Variants in SGCZ observed in about 807,000 individuals in gnomAD.
The protein encoded by SGCZ is zeta-sarcoglycan.
Under a neutral mutation model 41.3 loss-of-function variants are expected in SGCZ, and 40 were observed. The observed-to-expected ratio is 0.97, with a 90% CI of 0.75 to 1.26. SGCZ has a LOEUF of 1.26. SGCZ is among the 50% of genes most tolerant of loss of function. SGCZ has a pLI of 0.00. For synonymous variants in SGCZ, 206 were observed against 137.5 expected (o/e 1.50, Z -3.49); for missense variants, 552 against 369.8 (o/e 1.49, Z -4.04).
chr8:15,046,775 G>A (rs1032701094), intron 1 of SGCZ, among the ~76,000 whole-genome samples: 2 of 151,982 alleles, frequency 1.3e-5, no homozygotes, highest in Admixed American at 1.3e-4. Flanking sequence ...ATATACAAAT[G>A]TCTGATGCTA....
chr8:14,921,793 T>G (rs1799595618), intron 1 of SGCZ, among the ~76,000 whole-genome samples: 1 of 152,144 alleles, frequency 6.6e-6, no homozygotes, highest in African/African-American at 2.4e-5. Context: ...TCACTCCTTA[T>G]ATAACCCGAC....
At chr8:15,215,422 A>T (rs1285607462) in intron 1 of SGCZ, among the ~76,000 whole-genome samples, 1 of 152,184 alleles carries the variant, frequency 6.6e-6, no homozygotes, top group African/African-American at 2.4e-5. Flanking sequence ...ATATTTTTAC[A>T]GGCACTGTTT....
At chr8:15,217,878 AG>A (rs1179856252) in intron 1 of SGCZ, among the ~76,000 whole-genome samples, 2 of 152,124 alleles carry the variant, frequency 1.3e-5, no homozygotes, top group African/African-American at 4.8e-5. Context: ...ACTTGAGGTG[AG>A]GAGTTAGAGA....
At chr8:14,596,111 CACTT>C (rs1256062853) in intron 1 of SGCZ, among the ~76,000 whole-genome samples, 28 of 152,306 alleles carry the variant, frequency 1.8e-4, no homozygotes, top group African/African-American at 6.3e-4. Flanking sequence ...GTCTTTATCT[CACTT>C]AGTATCTGTC....
intron 2 of SGCZ, among the ~76,000 whole-genome samples, chr8:14,542,621 T>C (rs1214960845): frequency 1.3e-5 from 2 of 152,066 alleles, no homozygotes; most frequent in South Asian, 2.1e-4. Context: ...AGGAAATAGA[T>C]TGTGGACTCT....
intron 5 of SGCZ, among the ~76,000 whole-genome samples, chr8:14,141,671 T>C (rs907605241): frequency 1.3e-5 from 2 of 152,180 alleles, no homozygotes; most frequent in African/African-American, 2.4e-5. Flanking sequence ...AAACAACAGA[T>C]GCTGGAGAGG....
At chr8:14,483,606 C>T (rs189672699) in intron 2 of SGCZ, among the ~76,000 whole-genome samples, 1 of 152,236 alleles carries the variant, frequency 6.6e-6, no homozygotes, top group Admixed American at 6.5e-5. Context: ...TTGATTTCAA[C>T]ACTAATTTAT....
At chr8:14,410,268 C>A (rs1799323355) in intron 2 of SGCZ, among the ~76,000 whole-genome samples, 1 of 152,058 alleles carries the variant, frequency 6.6e-6, no homozygotes. Flanking sequence ...CAAAACCCAT[C>A]CCTGATGCCA....
At chr8:14,964,624 C>A (rs986762939) in intron 1 of SGCZ, among the ~76,000 whole-genome samples, 10 of 152,140 alleles carry the variant, frequency 6.6e-5, no homozygotes, top group African/African-American at 2.4e-4. Context: ...AATGGGATAA[C>A]CCTGAAAAGT....
intron 1 of SGCZ, among the ~76,000 whole-genome samples, chr8:14,676,117 G>A (rs532708287): frequency 4.6e-5 from 7 of 152,302 alleles, no homozygotes; most frequent in African/African-American, 1.7e-4. Flanking sequence ...AATAGTTTGT[G>A]TTCCTACCAG....
chr8:14,635,440 A>G (rs548065947), intron 1 of SGCZ, among the ~76,000 whole-genome samples: 2 of 152,116 alleles, frequency 1.3e-5, no homozygotes, highest in South Asian at 4.1e-4. Flanking sequence ...ATTTGTGTAT[A>G]AAGCCAAGTG....
intron 2 of SGCZ, among the ~76,000 whole-genome samples, chr8:14,534,964 T>C (rs971857416): frequency 1.3e-5 from 2 of 152,014 alleles, no homozygotes; most frequent in African/African-American, 4.8e-5. Context: ...AATGCAAGAA[T>C]GACGTATCTC....
intron 1 of SGCZ, among the ~76,000 whole-genome samples, chr8:15,141,442 A>G (rs1371554712): frequency 6.6e-6 from 1 of 152,244 alleles, no homozygotes; most frequent in Non-Finnish European, 1.5e-5. Context: ...TTTATGTTTT[A>G]AAAAGATGTC....
intron 1 of SGCZ, among the ~76,000 whole-genome samples, chr8:15,014,417 G>C (rs7004077): frequency 0.086 from 13,108 of 152,186 alleles, 731 homozygotes; most frequent in African/African-American, 0.16. Context: ...TTCATTTTGC[G>C]TGTGTCTTTG....
chr8:14,656,139 G>GT (rs1218187969), intron 1 of SGCZ, among the ~76,000 whole-genome samples: 1 of 152,004 alleles, frequency 6.6e-6, no homozygotes, highest in Non-Finnish European at 1.5e-5. Context: ...AATTTTTTAA[G>GT]TAAGTATCAA....
At chr8:14,221,537 G>T (rs1039915909) in intron 4 of SGCZ, among the ~76,000 whole-genome samples, 1 of 152,176 alleles carries the variant, frequency 6.6e-6, no homozygotes, top group Non-Finnish European at 1.5e-5. Context: ...ACATATTGCA[G>T]TTTCGACATA....
At chr8:14,408,502 T>C (rs1379261486) in intron 2 of SGCZ, among the ~76,000 whole-genome samples, 1 of 152,084 alleles carries the variant, frequency 6.6e-6, no homozygotes, top group Non-Finnish European at 1.5e-5. Context: ...CCACCGTCTC[T>C]CCCCTGAACT....
At chr8:15,179,258 G>C (rs995377174) in intron 1 of SGCZ, among the ~76,000 whole-genome samples, 1 of 152,116 alleles carries the variant, frequency 6.6e-6, no homozygotes, top group Non-Finnish European at 1.5e-5. Flanking sequence ...TTCAGATAGA[G>C]GGAATGAGGA....
At chr8:14,389,597 G>A (rs148942789) in intron 2 of SGCZ, among the ~76,000 whole-genome samples, 17 of 151,832 alleles carry the variant, frequency 1.1e-4, no homozygotes, top group Admixed American at 7.9e-4. Flanking sequence ...AATAAAGATC[G>A]TCTTAGACAA....
Sources: gnomAD v4.1 joint callset for allele counts (sites outside exome capture counted in the v4.1 genomes callset) on GRCh38, gnomAD v4.1.1 for gene constraint, MANE v1.5 for transcripts, NCBI Gene and HGNC (gene_info 2026-07-23, HGNC 2026-07-21) for gene names.